The following SOX6 variants were observed in gnomAD, a reference collection of about 807,000 sequenced individuals.
SOX6 encodes SRY-box transcription factor 6.
A neutral mutation model predicts 97.8 loss-of-function variants in SOX6; 11 were observed. The observed-to-expected ratio is 0.11, with a 90% CI of 0.07 to 0.19. The LOEUF is 0.19. Ranked by LOEUF, SOX6 falls within the 10% of genes least tolerant of loss-of-function variation. SOX6 has a pLI of 1.00. For missense variants in SOX6, 810 were observed against 1,039.5 expected (o/e 0.78, Z 3.04); for synonymous variants, 360 against 371.4 (o/e 0.97, Z 0.35).
chr11:16,661,222 T>A (rs1847763304), intron 3 of SOX6, among the ~76,000 whole-genome samples: 1 of 152,218 alleles, frequency 6.6e-6, no homozygotes, highest in Admixed American at 6.5e-5. Flanking sequence ...TGATAGTTTT[T>A]CTTGTTCTGA....
At chr11:16,529,348 G>A (rs1247637962) in intron 4 of SOX6, among the ~76,000 whole-genome samples, 1 of 152,028 alleles carries the variant, frequency 6.6e-6, no homozygotes, top group Non-Finnish European at 1.5e-5. Context: ...AAATCTCCGA[G>A]TGATACAGTA....
intron 4 of SOX6, among the ~76,000 whole-genome samples, chr11:16,203,994 A>G (rs1852006574): frequency 6.6e-6 from 1 of 152,090 alleles, no homozygotes; most frequent in Non-Finnish European, 1.5e-5. Flanking sequence ...CTAAAACCTT[A>G]TATCAAAAAG....
chr11:16,256,876 G>A (rs558728130), intron 3 of SOX6, among the ~76,000 whole-genome samples: 28 of 151,666 alleles, frequency 1.8e-4, no homozygotes, highest in African/African-American at 6.5e-4. Flanking sequence ...CAAAATACAA[G>A]GCTAATATAC....
intron 1 of SOX6, among the ~76,000 whole-genome samples, chr11:16,403,898 C>T (rs1268445620): frequency 6.6e-6 from 1 of 151,544 alleles, no homozygotes; most frequent in Non-Finnish European, 1.5e-5. Context: ...CAAGATGTCT[C>T]AGGATAACCT....
chr11:16,426,841 G>A (rs9665965), intron 1 of SOX6, among the ~76,000 whole-genome samples: 52,101 of 143,990 alleles, frequency 0.36, 9,902 homozygotes, highest in East Asian at 0.55. Context: ...GTGAACCCGG[G>A]AGGCGGAGCT....
At chr11:16,166,109 T>C (rs1039948954) in intron 6 of SOX6, among the ~76,000 whole-genome samples, 1 of 152,160 alleles carries the variant, frequency 6.6e-6, no homozygotes, top group Non-Finnish European at 1.5e-5. Flanking sequence ...CAATTTGCTC[T>C]TTCTAGGCAT....
chr11:16,323,042 A>T (rs1365236953), intron 2 of SOX6, among the ~76,000 whole-genome samples: 1 of 152,122 alleles, frequency 6.6e-6, no homozygotes, highest in African/African-American at 2.4e-5. Context: ...ATGTACTATA[A>T]ATTTCTTTTC....
intron 9 of SOX6, among the ~76,000 whole-genome samples, chr11:16,067,835 T>A (rs1186765537): frequency 2.6e-5 from 4 of 151,984 alleles, no homozygotes; most frequent in African/African-American, 9.7e-5. Flanking sequence ...AATTTCAATT[T>A]AAAAAAATTC....
chr11:16,665,836 A>T (rs1296756625), intron 3 of SOX6, among the ~76,000 whole-genome samples: 1 of 152,194 alleles, frequency 6.6e-6, no homozygotes, highest in African/African-American at 2.4e-5. Context: ...CAAGCAGCTC[A>T]TCACAGAGAG....
chr11:16,271,220 T>A (rs1376084192), intron 3 of SOX6, among the ~76,000 whole-genome samples: 1 of 151,424 alleles, frequency 6.6e-6, no homozygotes, highest in East Asian at 1.9e-4. Context: ...ACTGGAATAA[T>A]TCCACTTGAA....
intron 4 of SOX6, among the ~76,000 whole-genome samples, chr11:16,207,836 A>AG (rs11434598): frequency 0.59 from 89,195 of 151,850 alleles, 27,200 homozygotes; most frequent in East Asian, 0.75. Flanking sequence ...CATAAACAAC[A>AG]AGTATCAACA....
chr11:15,979,620 T>C (rs1484951964), intron 15 of SOX6, among the ~76,000 whole-genome samples: 1 of 152,132 alleles, frequency 6.6e-6, no homozygotes, highest in Non-Finnish European at 1.5e-5. Context: ...TCTTCCTACC[T>C]ACTCACTTTG....
chr11:16,558,812 A>T (rs563196194), intron 4 of SOX6, among the ~76,000 whole-genome samples: 1 of 152,202 alleles, frequency 6.6e-6, no homozygotes, highest in Admixed American at 6.6e-5. Flanking sequence ...CCAATTTAAA[A>T]AAATAAGAAT....
At chr11:16,386,218 T>G (rs2134417564) in intron 1 of SOX6, among the ~76,000 whole-genome samples, 1 of 152,180 alleles carries the variant, frequency 6.6e-6, no homozygotes, top group Middle Eastern at 3.4e-3. Flanking sequence ...TAATGAGAAT[T>G]GAAGGAGAAA....
At chr11:16,385,690 T>C (rs902733655) in intron 1 of SOX6, among the ~76,000 whole-genome samples, 1 of 152,138 alleles carries the variant, frequency 6.6e-6, no homozygotes, top group Non-Finnish European at 1.5e-5. Context: ...CGCTAAGCTT[T>C]TCATGATGCT....
At chr11:16,279,840 G>T (rs952334027) in intron 3 of SOX6, among the ~76,000 whole-genome samples, 1 of 151,998 alleles carries the variant, frequency 6.6e-6, no homozygotes, top group African/African-American at 2.4e-5. Context: ...CATATTTTAT[G>T]CATTATAGCT....
Position 16,522,340 on chromosome 11 carries a change from A to C in SOX6, n.610-45952T>G, listed in dbSNP as rs1375707768. On this transcript the variant is annotated intron_variant and non_coding_transcript_variant, in intron 4 of 5. Coordinates refer to the SOX6 transcript ENST00000524520. The stretch of plus-strand genomic sequence containing the variant: ...GGGCCAATATTCAATATTCTTAAAG[A>C]AAAGAATTTTCAACCCAGAATTTCA... Among the ~76,000 whole-genome samples the C allele has an allele frequency of 7.2e-5, 11 of 152,334 alleles. No homozygotes were observed. In the East Asian group the frequency reaches 2.1e-3, roughly 29 times the overall value.
chr11:16,636,473 T>A (rs763141233), intron 3 of SOX6, among the ~76,000 whole-genome samples: 7 of 152,172 alleles, frequency 4.6e-5, no homozygotes, highest in Non-Finnish European at 1.0e-4. Context: ...GGCTCATAGG[T>A]AGAAGGGACT....
At chr11:16,501,079 C>A (rs978641043) in intron 4 of SOX6, among the ~76,000 whole-genome samples, 1 of 152,152 alleles carries the variant, frequency 6.6e-6, no homozygotes, top group Non-Finnish European at 1.5e-5. Context: ...GCTACAGTAA[C>A]CAAAACAGCA....
Sources: gnomAD v4.1 joint callset for allele counts (sites outside exome capture counted in the v4.1 genomes callset) on GRCh38, gnomAD v4.1.1 for gene constraint, MANE v1.5 for transcripts, NCBI Gene and HGNC (gene_info 2026-07-23, HGNC 2026-07-21) for gene names.